Variants in CSMD1 observed in about 807,000 individuals in gnomAD.
CSMD1 encodes the protein CUB and sushi domain-containing protein 1.
A neutral mutation model predicts 417.5 loss-of-function variants in CSMD1; 213 were observed. The observed-to-expected ratio is 0.51, with a 90% CI of 0.46 to 0.57. The LOEUF is 0.57. Among genes scored for constraint, CSMD1 ranks in the 20% least tolerant of loss-of-function variants. The pLI is 0.00. For synonymous variants in CSMD1, 2,862 were observed against 1,736.8 expected, an observed-to-expected ratio of 1.65 and a Z score of -16.11; for missense variants, 6,923 against 4,529.7, an observed-to-expected ratio of 1.53 and a Z score of -15.17.
intron 3 of CSMD1, among the ~76,000 whole-genome samples, chr8:4,132,807 G>A (rs1198459324): frequency 6.6e-6 from 1 of 152,152 alleles, no homozygotes; most frequent in Non-Finnish European, 1.5e-5. Flanking sequence ...ATGTAAAGAA[G>A]AATTGATATA....
intron 3 of CSMD1, among the ~76,000 whole-genome samples, chr8:4,075,874 C>G (rs1799795258): frequency 6.6e-6 from 1 of 152,152 alleles, no homozygotes; most frequent in Non-Finnish European, 1.5e-5. Flanking sequence ...CATATCTGTT[C>G]TAGCCCAGAA....
chr8:4,334,121 G>A (rs192523965), intron 3 of CSMD1, among the ~76,000 whole-genome samples: 8 of 152,100 alleles, frequency 5.3e-5, no homozygotes, highest in Non-Finnish European at 7.4e-5. Context: ...TAACCAAGCT[G>A]GTCTCAAACT....
At position 3,948,289 on chromosome 8, in the gene CSMD1, A is replaced by T. The variant is rs201511096; in HGVS notation, c.818+49614T>A. On this transcript the variant is annotated intron_variant, in intron 5 of 69. Coordinates refer to ENST00000635120, the MANE Select transcript of CSMD1 (RefSeq NM_033225.6). ...TATTTGTTAAAAAATAAAAACAAAA[A>T]GTCATGTTAGTCTGCATTTGAAGAG... Among the ~76,000 whole-genome samples the T allele has an allele frequency of 9.2e-5, 14 of 152,298 alleles. 1 individual carries two copies. In the East Asian group the frequency reaches 2.7e-3, roughly 29 times the overall value.
At chr8:3,494,618 GTAGA>G (rs1563092199) in intron 10 of CSMD1, among the ~76,000 whole-genome samples, 4 of 151,286 alleles carry the variant, frequency 2.6e-5, no homozygotes. Flanking sequence ...ATGACAGATA[GTAGA>G]TAGATGACAG....
intron 6 of CSMD1, among the ~76,000 whole-genome samples, chr8:3,712,261 T>C (rs1801557126): frequency 1.3e-5 from 2 of 152,112 alleles, no homozygotes; most frequent in Non-Finnish European, 1.5e-5. Flanking sequence ...TGGACACTTC[T>C]CCCCACACGT....
intron 1 of CSMD1, among the ~76,000 whole-genome samples, chr8:4,660,627 T>G (rs948267536): frequency 6.6e-6 from 1 of 152,090 alleles, no homozygotes; most frequent in Non-Finnish European, 1.5e-5. Flanking sequence ...TTATAAATTA[T>G]AGTTCAGCAA....
intron 7 of CSMD1, 67 bp from the exon 8 acceptor site, chr8:3,616,864 T>G (rs1802166008): frequency 9.0e-7 from 1 of 1,111,832 alleles, no homozygotes; most frequent in South Asian, 1.4e-5. Flanking sequence ...ATAAAAAATT[T>G]ATTCTAGGCA....
chr8:3,794,107 G>C (rs1462872136), intron 5 of CSMD1, among the ~76,000 whole-genome samples: 3 of 152,148 alleles, frequency 2.0e-5, no homozygotes, highest in Admixed American at 2.0e-4. Flanking sequence ...CAGGGTCGCA[G>C]GCACACACCC....
intron 37 of CSMD1, 25 bp from the exon 38 acceptor site, chr8:3,162,302 G>T: frequency 7.3e-7 from 1 of 1,376,794 alleles, no homozygotes; most frequent in Non-Finnish European, 1.0e-6. Context: ...ACAAATGCTA[G>T]AAATTATATG....
At chr8:4,092,428 G>A (rs374747776) in intron 3 of CSMD1, among the ~76,000 whole-genome samples, 16 of 152,176 alleles carry the variant, frequency 1.1e-4, no homozygotes, top group Admixed American at 1.3e-4. Flanking sequence ...AGCATATTAT[G>A]AGACTATATT....
intron 1 of CSMD1, among the ~76,000 whole-genome samples, chr8:4,853,750 T>A (rs915933496): frequency 6.6e-6 from 1 of 152,084 alleles, no homozygotes; most frequent in African/African-American, 2.4e-5. Flanking sequence ...GGAAAAGTCA[T>A]AGGCACTCAA....
chr8:3,275,348 G>A (rs542600397), intron 26 of CSMD1, among the ~76,000 whole-genome samples: 1 of 152,014 alleles, frequency 6.6e-6, no homozygotes, highest in Non-Finnish European at 1.5e-5. Context: ...CTTTCTCTCT[G>A]GCTGCCCTTA....
intron 3 of CSMD1, among the ~76,000 whole-genome samples, chr8:4,081,030 C>G (rs1183145248): frequency 6.6e-6 from 1 of 152,118 alleles, no homozygotes; most frequent in African/African-American, 2.4e-5. Context: ...TCCCTTGTGC[C>G]ATGGAGGGAC....
At chr8:3,261,487 C>G (rs548969695) in intron 26 of CSMD1, among the ~76,000 whole-genome samples, 1 of 152,198 alleles carries the variant, frequency 6.6e-6, no homozygotes, top group African/African-American at 2.4e-5. Context: ...AACCAAATAC[C>G]ACCTGAACCC....
intron 2 of CSMD1, among the ~76,000 whole-genome samples, chr8:4,585,548 G>A (rs969617042): frequency 7.2e-5 from 11 of 152,238 alleles, no homozygotes; most frequent in African/African-American, 2.4e-4. Flanking sequence ...ACTGATTAGA[G>A]ACTTTGAGCA....
At chr8:4,411,727 A>G (rs1796658431) in intron 3 of CSMD1, among the ~76,000 whole-genome samples, 1 of 152,154 alleles carries the variant, frequency 6.6e-6, no homozygotes, top group African/African-American at 2.4e-5. Context: ...TGTGCTATGT[A>G]TTTGTACATA....
intron 1 of CSMD1, among the ~76,000 whole-genome samples, chr8:4,973,816 C>A (rs541377702): frequency 6.6e-6 from 1 of 152,262 alleles, no homozygotes; most frequent in South Asian, 2.1e-4. Context: ...TGTTCCTGAA[C>A]TGAGTATAGG....
chr8:4,014,820 C>G (rs1585134508), intron 4 of CSMD1, among the ~76,000 whole-genome samples: 1 of 152,110 alleles, frequency 6.6e-6, no homozygotes, highest in Non-Finnish European at 1.5e-5. Context: ...GCTCTATAAC[C>G]TAACATGGTA....
intron 2 of CSMD1, among the ~76,000 whole-genome samples, chr8:4,427,838 C>G (rs1025129995): frequency 6.6e-6 from 1 of 152,084 alleles, no homozygotes; most frequent in African/African-American, 2.4e-5. Flanking sequence ...TTGAATAATT[C>G]TTTTTCTTAA....
Sources: allele counts gnomAD v4.1 joint callset (sites outside exome capture counted in the v4.1 genomes callset), GRCh38; gene constraint gnomAD v4.1.1; transcripts MANE v1.5; gene names NCBI Gene and HGNC (gene_info 2026-07-23, HGNC 2026-07-21).